Variants in MTUS2 observed in about 807,000 individuals in gnomAD.
MTUS2 encodes microtubule-associated tumor suppressor candidate 2.
MTUS2 carries 40 observed loss-of-function variants against 114.1 expected under a neutral mutation model. The observed-to-expected ratio is 0.35, with a 90% CI of 0.27 to 0.46. The LOEUF is 0.46. Ranked by LOEUF, MTUS2 falls within the 20% of genes least tolerant of loss-of-function variation. The probability of loss-of-function intolerance (pLI) is 1.00; values close to 1 mark genes in which losing one functional copy is unlikely to be tolerated. For synonymous variants in MTUS2, 688 were observed against 672.0 expected (o/e 1.02, Z -0.37); for missense variants, 1,679 against 1,705.4 (o/e 0.98, Z 0.27).
chr13:29,179,332 A>G (rs1222250771), intron 5 of MTUS2, among the ~76,000 whole-genome samples: 1 of 152,254 alleles, frequency 6.6e-6, no homozygotes, highest in Admixed American at 6.5e-5. Context: ...TATGATCCAA[A>G]GGAAATGTAT....
chr13:29,411,465 T>G (rs1265728243), intron 8 of MTUS2, among the ~76,000 whole-genome samples: 1 of 152,236 alleles, frequency 6.6e-6, no homozygotes, highest in Non-Finnish European at 1.5e-5. Flanking sequence ...ATTGTTTTAA[T>G]TATAGAGGCT....
At chr13:29,265,430 T>G (rs1449556766) in intron 5 of MTUS2, among the ~76,000 whole-genome samples, 1 of 152,228 alleles carries the variant, frequency 6.6e-6, no homozygotes, top group Non-Finnish European at 1.5e-5. Context: ...TCTTTCAACC[T>G]CTGCCTGTCA....
intron 6 of MTUS2, among the ~76,000 whole-genome samples, chr13:29,288,306 C>G (rs1736435688): frequency 6.6e-6 from 1 of 152,082 alleles, no homozygotes; most frequent in Non-Finnish European, 1.5e-5. Flanking sequence ...TGCCACCTTG[C>G]TAATACCAAA....
intron 4 of MTUS2, among the ~76,000 whole-genome samples, chr13:29,062,673 CGGGAATAATTTCT>C (rs1888477343): frequency 6.6e-6 from 1 of 151,980 alleles, no homozygotes; most frequent in African/African-American, 2.4e-5. Flanking sequence ...ACTTAGATAT[CGGGAATAATTTCT>C]GGTGTTTCCC....
chr13:29,034,709 A>G (rs1886984275), intron 4 of MTUS2, among the ~76,000 whole-genome samples: 1 of 152,232 alleles, frequency 6.6e-6, no homozygotes, highest in Non-Finnish European at 1.5e-5. Flanking sequence ...GGCAGGATAC[A>G]GCATGGGATT....
At chr13:28,999,465 CATTT>C (rs1211153921) in intron 2 of MTUS2, among the ~76,000 whole-genome samples, 1 of 152,172 alleles carries the variant, frequency 6.6e-6, no homozygotes, top group Non-Finnish European at 1.5e-5. Context: ...ATAGGGCTTA[CATTT>C]ATTTATTTAA....
chr13:29,451,853 T>A (rs1011932085), intron 9 of MTUS2, among the ~76,000 whole-genome samples: 1 of 152,168 alleles, frequency 6.6e-6, no homozygotes, highest in Non-Finnish European at 1.5e-5. Flanking sequence ...CCTCCCAAAG[T>A]GCTGGGATTA....
intron 1 of MTUS2, among the ~76,000 whole-genome samples, chr13:28,828,596 T>C (rs985860191): frequency 1.3e-5 from 2 of 152,200 alleles, no homozygotes; most frequent in East Asian, 3.8e-4. Flanking sequence ...TTTATGTTCT[T>C]CTGCCATGGC....
At chr13:29,428,926 C>T (rs1876784842) in intron 8 of MTUS2, 2 of 1,608,610 alleles carry the variant, frequency 1.2e-6, no homozygotes, top group Non-Finnish European at 1.7e-6. Flanking sequence ...TCTTCTTCCC[C>T]CTCCTCCTTT....
At chr13:28,911,749 G>T (rs1880444736) in intron 2 of MTUS2, among the ~76,000 whole-genome samples, 3 of 151,282 alleles carry the variant, frequency 2.0e-5, no homozygotes, top group Non-Finnish European at 4.4e-5. Flanking sequence ...ATTTCGTGAT[G>T]ATCGGTGATG....
At chr13:29,371,226 C>A (rs950714146) in intron 8 of MTUS2, among the ~76,000 whole-genome samples, 1 of 149,280 alleles carries the variant, frequency 6.7e-6, no homozygotes, top group Non-Finnish European at 1.5e-5. Context: ...CCACCCCCCC[C>A]CCCTTTTTTG....
intron 6 of MTUS2, among the ~76,000 whole-genome samples, chr13:29,301,375 C>T (rs1899198180): frequency 6.6e-6 from 1 of 152,208 alleles, no homozygotes; most frequent in Non-Finnish European, 1.5e-5. Context: ...GCATGCACTG[C>T]TTTGTGCCTA....
At chr13:29,076,752 A>G (rs1889212100) in intron 4 of MTUS2, among the ~76,000 whole-genome samples, 1 of 152,190 alleles carries the variant, frequency 6.6e-6, no homozygotes, top group Non-Finnish European at 1.5e-5. Flanking sequence ...TCGCTTCCTC[A>G]GTATTTTACT....
chr13:28,975,476 TCGCCCTCCCCTGCGGCAG>T lies in MTUS2; in HGVS notation c.-242-48979_-242-48962del, dbSNP rs1171885569. Among the ~76,000 whole-genome samples, 5 of 149,462 alleles carry T rather than the reference TCGCCCTCCCCTGCGGCAG, an allele frequency of 3.3e-5. No homozygotes were observed. In the East Asian group the frequency reaches 1.0e-3, roughly 31 times the overall value. ...GTTTCCAATCTCGCCTGCGGCAGCA[TCGCCCTCCCCTGCGGCAG>T]CATCGCCCTCCCCTGCAGCCCCCTG... On this transcript the variant is annotated intron_variant, in intron 2 of 15. Coordinates refer to ENST00000612955, the MANE Select transcript of MTUS2 (RefSeq NM_001033602.4).
intron 5 of MTUS2, among the ~76,000 whole-genome samples, chr13:29,208,143 C>T (rs1032550183): frequency 6.6e-6 from 1 of 152,000 alleles, no homozygotes; most frequent in Non-Finnish European, 1.5e-5. Flanking sequence ...TTTCTTCCTG[C>T]CTGGTTTAAT....
At position 29,026,922 on chromosome 13, in the gene MTUS2, G is replaced by T. The variant is rs367974461; in HGVS notation, c.2205+19G>T. On this transcript the variant is annotated intron_variant, in intron 3 of 15. Transcript: ENST00000612955. ...GCAGGAGGTAAGAGAATGTCATTAT[G>T]ATATGGTCTATAAGTTGACTGTCCC... 1.5e-5 allele frequency: 23 copies of T among 1,564,650 alleles called. No homozygotes were observed. In the Admixed American group the frequency reaches 2.0e-4, roughly 13 times the overall value.
At chr13:29,403,251 A>C (rs1219024854) in intron 8 of MTUS2, among the ~76,000 whole-genome samples, 1 of 150,146 alleles carries the variant, frequency 6.7e-6, no homozygotes, top group Non-Finnish European at 1.5e-5. Context: ...TTCCATTACC[A>C]CTCCTCTTGT....
chr13:28,859,457 C>A (rs75769019), intron 2 of MTUS2, among the ~76,000 whole-genome samples: 6,477 of 152,204 alleles, frequency 0.043, 417 homozygotes, highest in African/African-American at 0.13. Flanking sequence ...TAAGCTGGCC[C>A]TATCTGAATC....
chr13:28,875,176 C>T (rs1456991721), intron 2 of MTUS2, among the ~76,000 whole-genome samples: 1 of 152,080 alleles, frequency 6.6e-6, no homozygotes, highest in Admixed American at 6.5e-5. Context: ...TTAGATAAAG[C>T]ACCAGATAGC....
Sources: gnomAD v4.1 joint callset for allele counts (sites outside exome capture counted in the v4.1 genomes callset) on GRCh38, gnomAD v4.1.1 for gene constraint, MANE v1.5 for transcripts, NCBI Gene and HGNC (gene_info 2026-07-23, HGNC 2026-07-21) for gene names.